The following KCNQ1 variants were observed in gnomAD, a reference collection of about 807,000 sequenced individuals.
KCNQ1 encodes potassium voltage-gated channel subfamily KQT member 1.
KCNQ1 carries 49 observed loss-of-function variants against 72.4 expected under a neutral mutation model. The ratio of observed to expected loss-of-function variants is 0.68; its 90% CI spans 0.54 to 0.86. The LOEUF (loss-of-function observed/expected upper bound fraction) is 0.86, where lower values mean the gene tolerates loss of function less well. Among genes scored for constraint, KCNQ1 ranks in the 40% least tolerant of loss-of-function variants. The pLI is 0.00. For missense variants in KCNQ1, 790 were observed against 945.1 expected, an observed-to-expected ratio of 0.84 and a Z score of 2.15; for synonymous variants, 450 against 412.6, an observed-to-expected ratio of 1.09 and a Z score of -1.10.
At chr11:2,693,889 C>T (rs1324260251) in intron 11 of KCNQ1, 2 of 398,784 alleles carry the variant, frequency 5.0e-6, no homozygotes, top group Admixed American at 4.4e-5. Flanking sequence ...AAACCCTACT[C>T]GTCCTCCTCC....
At position 2,669,181 on chromosome 11, in the gene KCNQ1, G is replaced by C. The variant is rs1319450959; in HGVS notation, c.1514+7100G>C. ...AGTTGTTCTTTGTGGCCAGGACCTTGCTTCCTTCTCACTGTAGTTTGCTAA... is the reference window on the plus strand; with the variant it reads ...AGTTGTTCTTTGTGGCCAGGACCTTCCTTCCTTCTCACTGTAGTTTGCTAA... On this transcript the variant is annotated intron_variant, in intron 11 of 15. Coordinates refer to ENST00000155840, the MANE Select transcript of KCNQ1 (RefSeq NM_000218.3). The surrounding 1 kb of genome is among the most constrained non-coding windows in gnomAD (Gnocchi z 5.6). 3 of 398,558 alleles carry C rather than the reference G, an allele frequency of 7.5e-6. No individual in the cohort carries two copies. Among genetic ancestry groups the C allele is most frequent in the African/African-American group, 2.1e-5 (1 of 48,640 alleles). The allele number at this position is 398,558 out of a possible 1,614,324, so 24.7% of individuals were successfully genotyped here. A position where few individuals can be genotyped will look rare whatever the true frequency, so the allele number is the denominator to read the frequency against.
At chr11:2,672,908 G>T (rs181309618) in intron 11 of KCNQ1, 2 of 398,766 alleles carry the variant, frequency 5.0e-6, no homozygotes, top group Non-Finnish European at 8.8e-6. Context: ...GGCACTTGAG[G>T]CCTTGGGCTG....
At position 2,498,005 on chromosome 11, in the gene KCNQ1, C is replaced by A. The variant is rs539221726; in HGVS notation, c.387-29923C>A. Among the ~76,000 whole-genome samples the A allele has an allele frequency of 3.9e-5, 6 of 152,336 alleles. No individual in the cohort carries two copies. In the South Asian group the frequency reaches 1.2e-3, roughly 32 times the overall value. ...GCCTGGGTATCACCAGTGGAGGCTG[C>A]AGAACAGCAAAGATTGCTGCCTACT... is the stretch of plus-strand genomic sequence containing the variant. On this transcript the variant is annotated intron_variant, in intron 1 of 15. Transcript: ENST00000155840. This position sits in a 1 kb window ranked among gnomAD's most constrained non-coding sequence, Gnocchi z 4.8.
At chr11:2,801,565 GTCC>G in intron 15 of KCNQ1, among the ~76,000 whole-genome samples, 1 of 152,312 alleles carries the variant, frequency 6.6e-6, no homozygotes, top group Non-Finnish European at 1.5e-5. Flanking sequence ...AAAGACGTGA[GTCC>G]TATGGGACCA....
In KCNQ1 at chr11:2,764,881, C is replaced by T. The variant is rs942350312; in HGVS notation, c.1515-3963C>T. Among the ~76,000 whole-genome samples the T allele has an allele frequency of 6.6e-6, 1 of 152,190 alleles. No individual in the cohort carries two copies. The highest frequency in any genetic ancestry group is 2.4e-5 in the African/African-American group (1 of 41,442). On this transcript the variant is annotated intron_variant, in intron 11 of 15. Coordinates refer to ENST00000155840, the MANE Select transcript of KCNQ1 (RefSeq NM_000218.3). The surrounding 1 kb of genome is among the most constrained non-coding windows in gnomAD (Gnocchi z 4.8). Reference sequence around the variant, plus strand: ...TCCTGATGGCGGTCATTTGTGTCCCCTCCCCCATCTGATCAGTCTTCCCAA... The same window carrying T: ...TCCTGATGGCGGTCATTTGTGTCCCTTCCCCCATCTGATCAGTCTTCCCAA...
At chr11:2,604,165 ATCTCCT>A (rs1464522553) in intron 10 of KCNQ1, among the ~76,000 whole-genome samples, 1 of 152,066 alleles carries the variant, frequency 6.6e-6, no homozygotes, top group Non-Finnish European at 1.5e-5. Context: ...GTGTTTTCAT[ATCTCCT>A]GGGCATGAAA....
At chr11:2,681,820 A>C (rs938073492) in intron 11 of KCNQ1, 1 of 398,406 alleles carries the variant, frequency 2.5e-6, no homozygotes, top group Admixed American at 4.4e-5. Flanking sequence ...GGTTATGGTC[A>C]TATCATCCAT....
At chr11:2,568,426 G>A (rs1027769260) in intron 2 of KCNQ1, among the ~76,000 whole-genome samples, 6 of 152,214 alleles carry the variant, frequency 3.9e-5, no homozygotes, top group South Asian at 4.1e-4. Context: ...CGGGTGAGCC[G>A]GCCTCTGTGC....
At chr11:2,708,709 C>T (rs572240019) in intron 11 of KCNQ1, among the ~76,000 whole-genome samples, 28 of 151,648 alleles carry the variant, frequency 1.8e-4, no homozygotes, top group African/African-American at 4.3e-4. Context: ...AGTTTATACG[C>T]GGGTTGCGGG....
chr11:2,845,221 G>A (rs1326867455), intron 15 of KCNQ1, among the ~76,000 whole-genome samples: 2 of 152,046 alleles, frequency 1.3e-5, no homozygotes, highest in African/African-American at 2.4e-5. Context: ...GCCCCACCCT[G>A]CCCTCTGCTT....
chr11:2,554,622 G>T (rs1848040807), intron 2 of KCNQ1, among the ~76,000 whole-genome samples: 1 of 152,180 alleles, frequency 6.6e-6, no homozygotes, highest in Non-Finnish European at 1.5e-5. Context: ...ACCGTAAGGG[G>T]CACGGGGGAC....
intron 1 of KCNQ1, among the ~76,000 whole-genome samples, chr11:2,474,606 G>T (rs546877644): frequency 8.3e-6 from 1 of 120,026 alleles, no homozygotes; most frequent in Admixed American, 8.5e-5. Context: ...GACTTCATGC[G>T]TCAGCTGGAG....
chr11:2,579,367 C>G lies in KCNQ1; in HGVS notation c.922-4068C>G, dbSNP rs1020485721. 2.0e-5 allele frequency among the ~76,000 whole-genome samples: 3 copies of G among 152,194 alleles called. No homozygotes were observed. The highest frequency in any genetic ancestry group is 2.9e-5 in the Non-Finnish European group (2 of 68,034). On this transcript the variant is annotated intron_variant, in intron 6 of 15. Transcript: ENST00000155840. The surrounding 1 kb of genome is among the most constrained non-coding windows in gnomAD (Gnocchi z 6.0). ...TGACCAGTGGGGTGTGCGTTCCCCGCTCGCCCCCACAGTTCCTGCCATGGG... is the reference window on the plus strand; with the variant it reads ...TGACCAGTGGGGTGTGCGTTCCCCGGTCGCCCCCACAGTTCCTGCCATGGG...
In KCNQ1 at chr11:2,477,234, A is replaced by G. The variant is rs1179909760; in HGVS notation, c.386+31750A>G. Among the ~76,000 whole-genome samples the G allele has an allele frequency of 6.6e-6, 1 of 152,244 alleles. No individual in the cohort carries two copies. Among genetic ancestry groups the G allele is most frequent in the Non-Finnish European group, 1.5e-5 (1 of 68,048 alleles). On this transcript the variant is annotated intron_variant, in intron 1 of 15. Coordinates refer to ENST00000155840, the MANE Select transcript of KCNQ1 (RefSeq NM_000218.3). The surrounding 1 kb of genome is among the most constrained non-coding windows in gnomAD (Gnocchi z 5.0). ...AAATGCTTGGCAAAGTGTTCAAGGCAGGATGGAGATACCGTATGGGCATTC... is the reference window on the plus strand; with the variant it reads ...AAATGCTTGGCAAAGTGTTCAAGGCGGGATGGAGATACCGTATGGGCATTC...
chr11:2,523,751 G>T (rs1346530880), intron 1 of KCNQ1, among the ~76,000 whole-genome samples: 6 of 115,138 alleles, frequency 5.2e-5, no homozygotes, highest in Admixed American at 9.3e-5. Context: ...GAAGTTTACA[G>T]TTTTTTTTTT....
In KCNQ1 at chr11:2,674,091, G is replaced by A. The variant is rs1850241688; in HGVS notation, c.1514+12010G>A. On this transcript the variant is annotated intron_variant, in intron 11 of 15. Transcript: ENST00000155840. This position sits in a 1 kb window ranked among gnomAD's most constrained non-coding sequence, Gnocchi z 5.9. ...ATGGGGGCTTGGGCTAGGTCTCCCT[G>A]CCGGTGGGGAGGGAGGTGTGGAAGC... 2.5e-6 allele frequency: 1 copy of A among 398,738 alleles called. No individual in the cohort carries two copies. Among genetic ancestry groups the A allele is most frequent in the East Asian group, 3.6e-5 (1 of 28,066 alleles). The allele number at this position is 398,738 out of a possible 1,614,324, so 24.7% of individuals were successfully genotyped here.
At position 2,487,113 on chromosome 11, in the gene KCNQ1, C is replaced by T. The variant is rs542684660; in HGVS notation, c.387-40815C>T. On this transcript the variant is annotated intron_variant, in intron 1 of 15. Coordinates refer to ENST00000155840, the MANE Select transcript of KCNQ1 (RefSeq NM_000218.3). ...ATGTGGATTTCCAGTTTTCCCAGCA[C>T]CATTTGTTGAAAAGACAGTCCTTTT... is the stretch of plus-strand genomic sequence containing the variant. Among the ~76,000 whole-genome samples the T allele has an allele frequency of 1.3e-5, 2 of 152,300 alleles. 1 individual carries two copies. Among genetic ancestry groups the T allele is most frequent in the South Asian group, 4.1e-4 (2 of 4,824 alleles).
rs903395091 is a variant in KCNQ1, at chr11:2,703,880, G to A, written c.1514+41799G>A. Reference sequence around the variant, plus strand: ...AGGTTCCCAAGTTGCTGCTTCCCTCGGAAGCTGAGAGGCCCAGGGCCACGT... The same window carrying A: ...AGGTTCCCAAGTTGCTGCTTCCCTCAGAAGCTGAGAGGCCCAGGGCCACGT... On this transcript the variant is annotated intron_variant, in intron 11 of 15. Transcript: ENST00000155840. This position sits in a 1 kb window ranked among gnomAD's most constrained non-coding sequence, Gnocchi z 6.4. 2.0e-5 allele frequency among the ~76,000 whole-genome samples: 3 copies of A among 152,184 alleles called. No homozygotes were observed. The East Asian group carries it at 5.8e-4, about 29-fold the overall frequency.
rs535273494 is a variant in KCNQ1, at chr11:2,601,029, A to G, written c.1393+12175A>G. 3.3e-5 allele frequency among the ~76,000 whole-genome samples: 5 copies of G among 151,770 alleles called. No individual in the cohort carries two copies. The highest frequency in any genetic ancestry group is 6.6e-5 in the Admixed American group (1 of 15,232). On this transcript the variant is annotated intron_variant, in intron 10 of 15. Coordinates refer to ENST00000155840, the MANE Select transcript of KCNQ1 (RefSeq NM_000218.3). The surrounding 1 kb of genome is among the most constrained non-coding windows in gnomAD (Gnocchi z 5.2). Reference sequence around the variant, plus strand: ...TACAGTTACTATATTTTGCCTTGCAACCAATAAACAATCGGGGGAGATTCT... The same window carrying G: ...TACAGTTACTATATTTTGCCTTGCAGCCAATAAACAATCGGGGGAGATTCT...
Sources: allele counts gnomAD v4.1 joint callset (sites outside exome capture counted in the v4.1 genomes callset), GRCh38; gene constraint gnomAD v4.1.1; non-coding constraint Gnocchi (gnomAD v3.1); transcripts MANE v1.5; gene names NCBI Gene and HGNC (gene_info 2026-07-23, HGNC 2026-07-21).